PCDHA2: variants seen among roughly 807,000 people sequenced by gnomAD.
The protein encoded by PCDHA2 is protocadherin alpha 2, also known as protocadherin alpha-2.
Under a neutral mutation model 66.0 loss-of-function variants are expected in PCDHA2, and 58 were observed. The observed-to-expected ratio is 0.88, with a 90% CI of 0.71 to 1.09. The LOEUF is 1.09. Ranked by LOEUF, PCDHA2 falls within the 50% of genes least tolerant of loss-of-function variation. The probability of loss-of-function intolerance (pLI) is 0.00; values close to 1 mark genes in which losing one functional copy is unlikely to be tolerated. For missense variants in PCDHA2, 1,267 were observed against 1,242.3 expected (o/e 1.02, Z -0.30); for synonymous variants, 634 against 554.0 (o/e 1.14, Z -2.03).
intron 1 of PCDHA2, chr5:140,810,412 C>G (rs546354293): frequency 6.6e-6 from 1 of 152,182 alleles, no homozygotes; most frequent in Admixed American, 6.5e-5. Flanking sequence ...TAACACCAAC[C>G]AATTTTCCAA....
chr5:140,959,753 T>C (rs1479386012), intron 1 of PCDHA2, among the ~76,000 whole-genome samples: 1 of 152,226 alleles, frequency 6.6e-6, no homozygotes. Context: ...TTAAAGTATA[T>C]TTTAATATTC....
At chr5:140,987,022 T>C (rs1218338191) in intron 3 of PCDHA2, among the ~76,000 whole-genome samples, 1 of 152,068 alleles carries the variant, frequency 6.6e-6, no homozygotes, top group African/African-American at 2.4e-5. Flanking sequence ...GAGACCAGCC[T>C]GGTCAACATG....
intron 1 of PCDHA2, chr5:140,808,225 T>G: frequency 6.2e-7 from 1 of 1,614,252 alleles, no homozygotes; most frequent in Non-Finnish European, 8.5e-7. Context: ...ACAACGATAA[T>G]GTCCCAGATT....
chr5:140,839,557 T>A (rs1776285621), intron 1 of PCDHA2, among the ~76,000 whole-genome samples: 1 of 151,956 alleles, frequency 6.6e-6, no homozygotes, highest in Non-Finnish European at 1.5e-5. Context: ...GCCCAACTAA[T>A]TTTTGTATTT....
intron 1 of PCDHA2, chr5:140,801,627 G>C (rs1554121590): frequency 5.6e-6 from 9 of 1,614,018 alleles, no homozygotes; most frequent in Non-Finnish European, 5.9e-6. Context: ...GTTTATTTCC[G>C]AATCCCGACA....
Position 140,986,130 on chromosome 5 carries a change from G to T in PCDHA2, c.2536+3567G>T, listed in dbSNP as rs150350316. ...AGATAAAGATGCCACACTCTGAAAGGATCAACAAGGGCATCACCAAGTAAT... is the reference window on the plus strand; with the variant it reads ...AGATAAAGATGCCACACTCTGAAAGTATCAACAAGGGCATCACCAAGTAAT... On this transcript the variant is annotated intron_variant, in intron 3 of 3. Coordinates refer to ENST00000526136, the MANE Select transcript of PCDHA2 (RefSeq NM_018905.3). 8.5e-5 allele frequency among the ~76,000 whole-genome samples: 13 copies of T among 152,216 alleles called. 1 individual carries two copies. The East Asian group carries it at 2.5e-3, about 29-fold the overall frequency.
chr5:140,835,554 C>T (rs2150238113), intron 1 of PCDHA2: 7 of 1,613,942 alleles, frequency 4.3e-6, no homozygotes, highest in Non-Finnish European at 5.9e-6. Context: ...CTCCCTGACG[C>T]CCCGCGTTCC....
intron 1 of PCDHA2, chr5:140,926,333 C>G (rs1244364456): frequency 6.6e-6 from 1 of 152,288 alleles, no homozygotes; most frequent in Non-Finnish European, 1.5e-5. Context: ...GGTCAGAGCG[C>G]CGGGACCCGA....
At chr5:140,854,785 T>G (rs998570267) in intron 1 of PCDHA2, 1 of 149,740 alleles carries the variant, frequency 6.7e-6, no homozygotes, top group South Asian at 2.1e-4. Flanking sequence ...TTTCAAGAAC[T>G]TTGAGAGAGA....
chr5:140,980,313 C>G (rs904282752), intron 2 of PCDHA2, among the ~76,000 whole-genome samples: 7 of 152,166 alleles, frequency 4.6e-5, no homozygotes, highest in Admixed American at 3.9e-4. Context: ...GCCTTAAAAA[C>G]TACATTTGAA....
At chr5:140,914,023 G>A (rs1434570010) in intron 1 of PCDHA2, among the ~76,000 whole-genome samples, 5 of 152,112 alleles carry the variant, frequency 3.3e-5, no homozygotes, top group African/African-American at 7.2e-5. Context: ...AATGATCCAC[G>A]TGCTGAGAAG....
At chr5:140,804,751 T>C in intron 1 of PCDHA2, 1 of 224,170 alleles carries the variant, frequency 4.5e-6, no homozygotes, top group Non-Finnish European at 8.7e-6. Flanking sequence ...GGTTATCTCC[T>C]CTAGCAATTA....
intron 1 of PCDHA2, chr5:140,830,027 C>G (rs2150179874): frequency 4.3e-6 from 7 of 1,613,884 alleles, no homozygotes; most frequent in Non-Finnish European, 5.1e-6. Flanking sequence ...TCCGCGCCAC[C>G]GGCTGCTGGT....
intron 1 of PCDHA2, chr5:140,927,446 TG>T: frequency 2.1e-5 from 34 of 1,614,128 alleles, no homozygotes; most frequent in Non-Finnish European, 2.5e-5. Flanking sequence ...TACCCGGAGT[TG>T]GTGTTGGAGA....
intron 1 of PCDHA2, among the ~76,000 whole-genome samples, chr5:140,947,108 T>G (rs1419361342): frequency 6.6e-6 from 1 of 151,486 alleles, no homozygotes; most frequent in East Asian, 1.9e-4. Context: ...AATAGGTACG[T>G]GTCAATTAAA....
intron 1 of PCDHA2, chr5:140,866,712 T>C (rs2049515311): frequency 6.6e-6 from 1 of 152,156 alleles, no homozygotes; most frequent in South Asian, 2.1e-4. Context: ...CGTGCACTAG[T>C]AAGACATTAA....
At chr5:140,999,766 A>G (rs1417826824) in intron 3 of PCDHA2, among the ~76,000 whole-genome samples, 2 of 152,180 alleles carry the variant, frequency 1.3e-5, no homozygotes, top group African/African-American at 2.4e-5. Flanking sequence ...TGATGTCTTT[A>G]TACTCTTAAC....
intron 1 of PCDHA2, chr5:140,870,486 G>C (rs1318169830): frequency 5.0e-6 from 8 of 1,614,136 alleles, no homozygotes; most frequent in South Asian, 1.1e-5. Context: ...AGTACACCGT[G>C]TTCGTGAAGG....
At chr5:140,828,562 G>A in intron 1 of PCDHA2, 5 of 1,614,232 alleles carry the variant, frequency 3.1e-6, no homozygotes, top group Non-Finnish European at 4.2e-6. Context: ...TGGAGGGCGC[G>A]TCCGATGCAG....
Sources: allele counts gnomAD v4.1 joint callset (sites outside exome capture counted in the v4.1 genomes callset), GRCh38; gene constraint gnomAD v4.1.1; transcripts MANE v1.5; gene names NCBI Gene and HGNC (gene_info 2026-07-23, HGNC 2026-07-21).